The following SETD2 variants were observed in gnomAD, a reference collection of about 807,000 sequenced individuals.
SETD2 encodes the protein SET domain containing 2, histone lysine methyltransferase, also known as histone-lysine N-methyltransferase SETD2.
In SETD2, 31 loss-of-function variants were observed where a neutral mutation model predicts 242.1. The observed-to-expected ratio is 0.13, with a 90% CI of 0.10 to 0.17. The LOEUF is 0.17. Ranked by LOEUF, SETD2 falls within the 10% of genes least tolerant of loss-of-function variation. The probability of loss-of-function intolerance (pLI) is 1.00; values close to 1 mark genes in which losing one functional copy is unlikely to be tolerated. For synonymous variants in SETD2, 1,006 were observed against 1,066.5 expected (o/e 0.94, Z 1.11); for missense variants, 2,481 against 3,046.3 (o/e 0.81, Z 4.37).
At chr3:47,059,767 G>A (rs996408405) in intron 14 of SETD2, among the ~76,000 whole-genome samples, 6 of 151,426 alleles carry the variant, frequency 4.0e-5, no homozygotes, top group Non-Finnish European at 8.8e-5. Flanking sequence ...TTGTGGTGGT[G>A]GTTACAAAAC....
intron 8 of SETD2, chr3:47,098,378 T>G (rs2042085847): frequency 4.6e-6 from 1 of 217,420 alleles, no homozygotes; most frequent in Non-Finnish European, 9.2e-6. Flanking sequence ...CATATACATG[T>G]TTGGATTAAG....
chr3:47,136,410 C>T (rs1367391942), intron 1 of SETD2, among the ~76,000 whole-genome samples: 1 of 152,108 alleles, frequency 6.6e-6, no homozygotes, highest in Non-Finnish European at 1.5e-5. Context: ...TCCAGATCTT[C>T]ACCAGACTGC....
intron 13 of SETD2, among the ~76,000 whole-genome samples, chr3:47,063,685 C>T (rs1371749368): frequency 6.6e-6 from 1 of 152,108 alleles, no homozygotes; most frequent in Non-Finnish European, 1.5e-5. Flanking sequence ...TTTCTCATCT[C>T]CTTAAGAAGT....
chr3:47,123,486 C>T lies in SETD2; in HGVS notation c.1150G>A (p.Glu384Lys), dbSNP rs1260717819. Residue 384 changes from glutamate to lysine, a missense_variant, in exon 3 of 21, where the codon GAA becomes AAA. Physicochemically the swap from Glu to Lys is moderately conservative, Grantham distance 56. Around this residue, in one of 17 missense-constraint regions of SETD2, gnomAD observed 1,300 missense variants for 1,259.2 expected, o/e 1.03. Transcript: ENST00000409792. ...DDKYFSYSKL[E>K]RDTRYVSSRC... The stretch of plus-strand genomic sequence containing the variant: ...GAAGATACATACCGAGTATCTCTTT[C>T]AAGTTTTGAATAGCTAAAATATTTA... The T allele has an allele frequency of 1.3e-6, 2 of 1,551,140 alleles. No homozygotes were observed. Among genetic ancestry groups the T allele is most frequent in the Non-Finnish European group, 1.7e-6 (2 of 1,146,952 alleles).
chr3:47,038,569 C>T (rs978412874), intron 17 of SETD2, among the ~76,000 whole-genome samples: 3 of 151,836 alleles, frequency 2.0e-5, no homozygotes, highest in African/African-American at 4.8e-5. Context: ...GAGCCAAGAT[C>T]GTGCCATTGC....
At position 47,126,659 on chromosome 3, in the gene SETD2, C is replaced by G; in HGVS notation, c.76G>C (p.Glu26Gln). 7.5e-7 allele frequency: 1 copy of G among 1,340,754 alleles called. No homozygotes were observed. The highest frequency in any genetic ancestry group is 1.0e-6 in the Non-Finnish European group (1 of 959,840). 83.1% of individuals were successfully genotyped at this position (1,340,754 alleles called of 1,614,324 possible). A position where few individuals can be genotyped will look rare whatever the true frequency, so the allele number is the denominator to read the frequency against. The change falls in exon 2 of 21, where the codon GAA becomes CAA. Residue 26 changes from glutamate to glutamine, a missense_variant. By Grantham distance (29) the Glu-to-Gln change is conservative (BLOSUM62 2). Transcript: ENST00000409792. ...TAAATTATACTTACCTCATTTTCTT[C>G]TTCTCTATTTCCATTCAGCCAAGAA... ...YDPEHPTPEE[E>Q]ENEAKIENVQ...
chr3:47,139,238 A>G (rs2043667290), intron 1 of SETD2, among the ~76,000 whole-genome samples: 1 of 151,976 alleles, frequency 6.6e-6, no homozygotes, highest in African/African-American at 2.4e-5. Context: ...CCCCATATCT[A>G]CCTTAATCCA....
chr3:47,131,284 T>C (rs1031280618), intron 1 of SETD2, among the ~76,000 whole-genome samples: 1 of 152,242 alleles, frequency 6.6e-6, no homozygotes, highest in Non-Finnish European at 1.5e-5. Context: ...AAGTCAGAAC[T>C]GTGACCAACA....
chr3:47,147,265 A>G (rs1039314437), intron 1 of SETD2, among the ~76,000 whole-genome samples: 3 of 150,906 alleles, frequency 2.0e-5, no homozygotes, highest in Non-Finnish European at 4.4e-5. Context: ...TGCCCTCCTC[A>G]GCCTCCCAAA....
intron 1 of SETD2, among the ~76,000 whole-genome samples, chr3:47,132,131 CTTTTTTTT>C (rs531246872): frequency 1.5e-5 from 2 of 129,610 alleles, no homozygotes; most frequent in African/African-American, 5.9e-5. Flanking sequence ...ATACACATAT[CTTTTTTTT>C]TTTTTTTTTT....
chr3:47,032,501 A>G (rs2038816337), intron 18 of SETD2, among the ~76,000 whole-genome samples: 1 of 152,150 alleles, frequency 6.6e-6, no homozygotes, highest in South Asian at 2.1e-4. Context: ...AAAAAATAAA[A>G]GAAAATAAAG....
At position 47,084,210 on chromosome 3, in the gene SETD2, G is replaced by A. The variant is rs1411181149; in HGVS notation, c.5570C>T (p.Thr1857Ile). 6.2e-7 allele frequency: 1 copy of A among 1,614,060 alleles called. No homozygotes were observed. The highest frequency in any genetic ancestry group is 1.1e-5 in the South Asian group (1 of 91,086). The change falls in exon 12 of 21, where the codon ACA becomes ATA. Residue 1857 changes from threonine (T) to isoleucine (I), a missense_variant. By Grantham distance (89) the Thr-to-Ile change is moderately conservative (BLOSUM62 -1). Transcript: ENST00000409792. Reference sequence around the variant, plus strand: ...GCTCAGCTTGGTGGAAGGATCAGGTGTGTTGAGTGGTGTATGAGCACGCGA... The same window carrying A: ...GCTCAGCTTGGTGGAAGGATCAGGTATGTTGAGTGGTGTATGAGCACGCGA... ...NTSRAHTPLN[T>I]PDPSTKLSTE...
chr3:47,062,373 T>A (rs201124102), intron 13 of SETD2, 27 bp from the exon 14 acceptor site: 2 of 234,902 alleles, frequency 8.5e-6, no homozygotes, highest in South Asian at 1.5e-4. Flanking sequence ...GTTTGTTTGT[T>A]TTTTTTTTTT....
At chr3:47,067,380 T>C (rs924057114) in intron 12 of SETD2, among the ~76,000 whole-genome samples, 1 of 149,242 alleles carries the variant, frequency 6.7e-6, no homozygotes, top group Non-Finnish European at 1.5e-5. Context: ...ACTAAATGAC[T>C]GGGCAAGGAT....
chr3:47,136,969 T>C (rs1474863755), intron 1 of SETD2, among the ~76,000 whole-genome samples: 1 of 151,996 alleles, frequency 6.6e-6, no homozygotes, highest in African/African-American at 2.4e-5. Context: ...AAGGATTACC[T>C]AGTGAGTACA....
rs533924973 is a variant in SETD2 at position 47,132,362 on chromosome 3, C to T, written c.72-5699G>A. Among the ~76,000 whole-genome samples, 332 of 152,098 alleles carry T rather than the reference C, an allele frequency of 2.2e-3. 1 individual carries two copies. The highest frequency in any genetic ancestry group is 7.4e-3 in the African/African-American group (307 of 41,488). On this transcript the variant is annotated intron_variant, in intron 1 of 20. Transcript: ENST00000409792. ...ACTAGCCAGGTGTGGTGGTACATGC[C>T]TATAGTCGCAGCTACTTGGGAGGCT...
chr3:47,049,248 AT>A (rs1056898009), intron 15 of SETD2, among the ~76,000 whole-genome samples: 8 of 142,814 alleles, frequency 5.6e-5, no homozygotes, highest in Admixed American at 1.4e-4. Context: ...TGGGCCAAAT[AT>A]TTTTTTTATA....
At chr3:47,042,855 A>G (rs2107540809) in intron 16 of SETD2, among the ~76,000 whole-genome samples, 155 bp from the exon 17 acceptor site, 1 of 152,282 alleles carries the variant, frequency 6.6e-6, no homozygotes, top group Middle Eastern at 3.4e-3. Flanking sequence ...AAGGGACAGT[A>G]TATATAAAGA....
chr3:47,032,812 T>C (rs771609887), intron 18 of SETD2, among the ~76,000 whole-genome samples: 2 of 151,784 alleles, frequency 1.3e-5, no homozygotes, highest in South Asian at 4.2e-4. Flanking sequence ...CTCAGTAGGC[T>C]GAGGCATGAG....
Sources: allele counts gnomAD v4.1 joint callset (sites outside exome capture counted in the v4.1 genomes callset), GRCh38; gene constraint gnomAD v4.1.1; regional missense constraint gnomAD v4.1.1; transcripts MANE v1.5; gene names NCBI Gene and HGNC (gene_info 2026-07-23, HGNC 2026-07-21).